The following TSBP1 variants were observed in gnomAD, a reference collection of about 807,000 sequenced individuals.
The protein encoded by TSBP1 is testis-expressed basic protein 1.
A neutral mutation model predicts 68.8 loss-of-function variants in TSBP1; 56 were observed. The ratio of observed to expected loss-of-function variants is 0.81; its 90% CI spans 0.66 to 1.02. The LOEUF is 1.02. TSBP1 is among the 50% of genes least tolerant of loss of function. The pLI, the probability that TSBP1 is intolerant of heterozygous loss-of-function variation, is 0.00. For synonymous variants in TSBP1, 171 were observed against 208.7 expected (o/e 0.82, Z 1.56); for missense variants, 502 against 641.2 (o/e 0.78, Z 2.34).
At chr6:32,300,087 T>G in intron 21 of TSBP1, 151 bp from the exon 25 acceptor site, 1 of 687,334 alleles carries the variant, frequency 1.5e-6, no homozygotes, top group Non-Finnish European at 2.6e-6. Flanking sequence ...TGCTGGCCAA[T>G]GCTCCATATC....
At chr6:32,307,947 GTAT>G (rs903238205) in intron 19 of TSBP1, among the ~76,000 whole-genome samples, 1 of 151,736 alleles carries the variant, frequency 6.6e-6, no homozygotes, top group African/African-American at 2.4e-5. Context: ...GGCTAATTTT[GTAT>G]TTTTAGTAGA....
In TSBP1 at chr6:32,357,804, A is replaced by G. The variant is rs1215785100; in HGVS notation, c.218-2135T>C. Among the ~76,000 whole-genome samples the G allele has an allele frequency of 6.6e-6, 1 of 151,718 alleles. No individual in the cohort carries two copies. Among genetic ancestry groups the G allele is most frequent in the East Asian group, 1.9e-4 (1 of 5,142 alleles). The stretch of plus-strand genomic sequence containing the variant: ...AATACAGGTGCTAGCACCAGTGTGT[A>G]GAAGGGATTAGGGCTTGGGTTTTAG... On this transcript the variant is annotated intron_variant, in intron 6 of 22. Coordinates refer to ENST00000612031, the Ensembl canonical transcript of TSBP1. This position sits in a 1 kb window ranked among gnomAD's most constrained non-coding sequence, Gnocchi z 4.7.
chr6:32,334,949 G>A (rs1438139648), intron 14 of TSBP1, among the ~76,000 whole-genome samples: 2 of 152,152 alleles, frequency 1.3e-5, no homozygotes, highest in Non-Finnish European at 1.5e-5. Flanking sequence ...CAGGAGAACG[G>A]CTTGAACCCA....
Position 32,302,526 on chromosome 6 carries a change from A to T in TSBP1, c.601+83T>A. The T allele has an allele frequency of 6.6e-6, 6 of 903,138 alleles. No individual in the cohort carries two copies. Among genetic ancestry groups the T allele is most frequent in the Non-Finnish European group, 1.1e-5 (6 of 553,142 alleles). 55.9% of individuals were successfully genotyped at this position (903,138 alleles called of 1,614,324 possible). ...ACCCAGCAAACAAAAACAAACATAA[A>T]ACATTAAAAACATTTGTAGAAAAAA... On this transcript the variant is annotated intron_variant, in intron 20 of 22. Transcript: ENST00000612031. This position sits in a 1 kb window ranked among gnomAD's most constrained non-coding sequence, Gnocchi z 5.1.
chr6:32,299,033 C>A (rs932989669), intron 22 of TSBP1, among the ~76,000 whole-genome samples: 3 of 152,164 alleles, frequency 2.0e-5, no homozygotes, highest in African/African-American at 7.2e-5. Flanking sequence ...TGCAAACATT[C>A]CATAAAGTTT....
rs547958363 is a variant in TSBP1 at position 32,294,248 on chromosome 6, A to G, written c.638-213T>C. On this transcript the variant is annotated intron_variant, in intron 22 of 22. Transcript: ENST00000612031. ...CTATTTTCAATAATTTGGAAGATTA[A>G]TGAGAGAAAAGGTAAAATGTACTGT... 197 of 645,254 alleles carry G rather than the reference A, an allele frequency of 3.1e-4. No homozygotes were observed. The East Asian group carries it at 3.2e-3, about 11-fold the overall frequency. The allele number at this position is 645,254 out of a possible 1,614,324, so 40.0% of individuals were successfully genotyped here.
Position 32,304,717 on chromosome 6 carries a change from A to G in TSBP1, c.581-2088T>C, listed in dbSNP as rs1179824947. Among the ~76,000 whole-genome samples the G allele has an allele frequency of 1.3e-5, 2 of 152,078 alleles. No homozygotes were observed. The highest frequency in any genetic ancestry group is 6.5e-5 in the Admixed American group (1 of 15,280). On this transcript the variant is annotated intron_variant, in intron 19 of 22. Coordinates refer to ENST00000612031, the Ensembl canonical transcript of TSBP1. The surrounding 1 kb of genome is among the most constrained non-coding windows in gnomAD (Gnocchi z 4.8). ...TTTCTCTTCCTTTCAAATCTCTACC[A>G]TTATACCAGCTCTCACTGTATTTTT...
intron 9 of TSBP1, among the ~76,000 whole-genome samples, chr6:32,346,684 A>T (rs1282024152): frequency 6.6e-6 from 1 of 152,144 alleles, no homozygotes; most frequent in Non-Finnish European, 1.5e-5. Flanking sequence ...CTAAAAATAC[A>T]AAAATTAGCT....
chr6:32,320,689 A>G (rs779538857), intron 18 of TSBP1, among the ~76,000 whole-genome samples: 26 of 152,150 alleles, frequency 1.7e-4, no homozygotes, highest in Admixed American at 4.6e-4. Flanking sequence ...ATTGCCAGGT[A>G]ACACTTTTTA....
chr6:32,331,874 C>G (rs1769060740), intron 15 of TSBP1, 160 bp downstream of exon 16: 1 of 626,552 alleles, frequency 1.6e-6, no homozygotes, highest in Non-Finnish European at 2.8e-6. Context: ...TTAACCCTCG[C>G]CTTCCCTCCA....
chr6:32,323,812 G>A, intron 16 of TSBP1, 198 bp from the exon 18 acceptor site: 1 of 607,522 alleles, frequency 1.6e-6, no homozygotes. Context: ...TTGATGATAG[G>A]AAAGTAAGTG....
chr6:32,339,101 T>C (rs1010889380), intron 10 of TSBP1, 102 bp from the exon 12 acceptor site: 5 of 960,918 alleles, frequency 5.2e-6, no homozygotes, highest in Non-Finnish European at 8.5e-6. Context: ...TTGATTTACA[T>C]GGAAAGGCAG....
chr6:32,296,052 C>T (rs1371281322), intron 22 of TSBP1, among the ~76,000 whole-genome samples: 1 of 152,068 alleles, frequency 6.6e-6, no homozygotes, highest in Non-Finnish European at 1.5e-5. Context: ...CCATGTTGGT[C>T]AGGCTGGTCT....
rs768966551 is a variant in TSBP1 at position 32,369,895 on chromosome 6, A to C, written c.100+2T>G. The C allele has an allele frequency of 1.3e-6, 2 of 1,575,876 alleles. No homozygotes were observed. The highest frequency in any genetic ancestry group is 1.7e-6 in the Non-Finnish European group (2 of 1,146,372). ...TCTTCATTTTGACTCATTATTACTC[A>C]CCACTTTGCTTACATCGTGCCCATC... On this transcript the variant is annotated splice_donor_variant, in intron 2 of 22. Transcript: ENST00000612031. LOFTEE classifies it high-confidence loss of function.
At position 32,335,223 on chromosome 6, in the gene TSBP1, A is replaced by T. The variant is rs949920973; in HGVS notation, c.472+214T>A. Among the ~76,000 whole-genome samples the T allele has an allele frequency of 6.6e-6, 1 of 152,138 alleles. No individual in the cohort carries two copies. Among genetic ancestry groups the T allele is most frequent in the Non-Finnish European group, 1.5e-5 (1 of 68,030 alleles). On this transcript the variant is annotated intron_variant, in intron 14 of 22. Coordinates refer to ENST00000612031, the Ensembl canonical transcript of TSBP1. This position sits in a 1 kb window ranked among gnomAD's most constrained non-coding sequence, Gnocchi z 5.5. Reference sequence around the variant, plus strand: ...GTGGAAACAGCTTAGGACCATCTCTAGCAGGATATTTTTCACTTTGCATTT... The same window carrying T: ...GTGGAAACAGCTTAGGACCATCTCTTGCAGGATATTTTTCACTTTGCATTT...
At chr6:32,293,420 A>G in exon 23 of TSBP1, 1 of 1,612,378 alleles carries the variant, frequency 6.2e-7, no homozygotes, top group Non-Finnish European at 8.5e-7. Context: ...TGGTACCTTC[A>G]ACTCACTCTT....
In TSBP1 at chr6:32,344,291, C is replaced by T. The variant is rs1342404516; in HGVS notation, c.350-4653G>A. On this transcript the variant is annotated intron_variant, in intron 9 of 22. Coordinates refer to ENST00000612031, the Ensembl canonical transcript of TSBP1. The stretch of plus-strand genomic sequence containing the variant: ...CCCCCACCCTCCACCCCACAACAGT[C>T]GATCAATGACAGGATTTAATAATTT... Among the ~76,000 whole-genome samples the T allele has an allele frequency of 5.5e-5, 6 of 108,710 alleles. 1 individual carries two copies. Among genetic ancestry groups the T allele is most frequent in the African/African-American group, 1.8e-4 (5 of 27,604 alleles). 71.3% of individuals were successfully genotyped at this position (108,710 alleles called of 152,430 possible).
rs142227888 is a variant in TSBP1 at position 32,317,044 on chromosome 6, T to A, written c.560-1252A>T. Reference sequence around the variant, plus strand: ...AGTGTTTTTAATAATTTAACATGATTAGAAAATTATGGTATGCTACCAGGC... The same window carrying A: ...AGTGTTTTTAATAATTTAACATGATAAGAAAATTATGGTATGCTACCAGGC... On this transcript the variant is annotated intron_variant, in intron 18 of 22. Coordinates refer to ENST00000612031, the Ensembl canonical transcript of TSBP1. Among the ~76,000 whole-genome samples, 1,018 of 152,164 alleles carry A rather than the reference T, an allele frequency of 6.7e-3. 18 individuals are homozygous for A. The highest frequency in any genetic ancestry group is 0.02 in the East Asian group (103 of 5,176).
chr6:32,322,208 T>A (rs912400042), intron 18 of TSBP1, among the ~76,000 whole-genome samples: 1 of 152,262 alleles, frequency 6.6e-6, no homozygotes, highest in Non-Finnish European at 1.5e-5. Context: ...AAAGGCGGTT[T>A]CACGAATTCT....
Sources: allele counts gnomAD v4.1 joint callset (sites outside exome capture counted in the v4.1 genomes callset), GRCh38; gene constraint gnomAD v4.1.1; non-coding constraint Gnocchi (gnomAD v3.1); transcripts MANE v1.5; gene names NCBI Gene and HGNC (gene_info 2026-07-23, HGNC 2026-07-21).